Variants in APOBEC1 observed in about 807,000 individuals in gnomAD.
The protein encoded by APOBEC1 is apolipoprotein B mRNA editing enzyme catalytic subunit 1, also known as C->U-editing enzyme APOBEC-1.
In APOBEC1, 22 loss-of-function variants were observed where a neutral mutation model predicts 26.3. The ratio of observed to expected loss-of-function variants is 0.84; its 90% CI spans 0.60 to 1.19. The LOEUF is 1.19. Ranked by LOEUF, APOBEC1 falls within the 50% of genes most tolerant of loss-of-function variation. APOBEC1 has a pLI of 0.00. For missense variants in APOBEC1, 253 were observed against 289.0 expected (o/e 0.88, Z 0.90); for synonymous variants, 77 against 95.3 (o/e 0.81, Z 1.12).
At chr12:7,668,484 C>A (rs1274948061), upstream of APOBEC1, among the ~76,000 whole-genome samples, 1 of 152,066 alleles carries the variant, frequency 6.6e-6, no homozygotes, top group East Asian at 1.9e-4. Context: ...TACTAGAATG[C>A]CTATTGAGCG....
chr12:7,650,797 C>T (rs1396966680), intron 4 of APOBEC1, among the ~76,000 whole-genome samples: 1 of 152,228 alleles, frequency 6.6e-6, no homozygotes, highest in African/African-American at 2.4e-5. Context: ...GATCATAGCT[C>T]ACTGCAGCTT....
At chr12:7,650,014 G>T (rs117076191) in intron 4 of APOBEC1, among the ~76,000 whole-genome samples, 262 of 151,936 alleles carry the variant, frequency 1.7e-3, no homozygotes, top group Non-Finnish European at 3.1e-3. Flanking sequence ...ATGTGGTTTC[G>T]CCATGTTGCC....
At chr12:7,652,920 AT>A (rs1863665571) in intron 2 of APOBEC1, 85 bp from the exon 3 acceptor site, 2 of 818,756 alleles carry the variant, frequency 2.4e-6, no homozygotes, top group Non-Finnish European at 3.1e-6. Context: ...TTCTTTTTTT[AT>A]TTTATTTTAT....
At chr12:7,661,037 C>CA (rs764452957) in intron 1 of APOBEC1, among the ~76,000 whole-genome samples, 21,826 of 91,002 alleles carry the variant, frequency 0.24, 2,041 homozygotes, top group Middle Eastern at 0.33. Context: ...ACTAAAAATA[C>CA]AAAAAAAAAA....
At chr12:7,651,975 C>T (rs1346558248) in intron 3 of APOBEC1, among the ~76,000 whole-genome samples, 2 of 152,062 alleles carry the variant, frequency 1.3e-5, no homozygotes, top group Admixed American at 6.5e-5. Flanking sequence ...CGCCCGCCAC[C>T]ACGCCTGGCT....
At chr12:7,661,541 G>C (rs1280995022) in intron 1 of APOBEC1, among the ~76,000 whole-genome samples, 1 of 151,834 alleles carries the variant, frequency 6.6e-6, no homozygotes, top group Non-Finnish European at 1.5e-5. Context: ...CTTTATAATT[G>C]TAATTATACA....
chr12:7,665,806 C>CACACACACACACACACACA, intron 1 of APOBEC1, 51 bp downstream of exon 1: 1 of 1,224,988 alleles, frequency 8.2e-7, no homozygotes, highest in Non-Finnish European at 1.2e-6. Flanking sequence ...CACACACACA[C>CACACACACACACACACACA]CATTCTTGCA....
At chr12:7,656,171 A>G (rs776991247) in intron 1 of APOBEC1, among the ~76,000 whole-genome samples, 1 of 152,096 alleles carries the variant, frequency 6.6e-6, no homozygotes, top group Non-Finnish European at 1.5e-5. Flanking sequence ...AAATAAGGAA[A>G]TAAATGGAAG....
At chr12:7,668,947 G>A (rs745896947), upstream of APOBEC1, among the ~76,000 whole-genome samples, 1 of 149,916 alleles carries the variant, frequency 6.7e-6, no homozygotes, top group South Asian at 2.1e-4. Context: ...GGCCAGGCTG[G>A]TCTCGAACTC....
chr12:7,669,411 G>A (rs1863929365), upstream of APOBEC1, among the ~76,000 whole-genome samples: 3 of 151,886 alleles, frequency 2.0e-5, no homozygotes, highest in Admixed American at 2.0e-4. Flanking sequence ...ATGTACTTTG[G>A]GTTATTTCCA....
intron 1 of APOBEC1, among the ~76,000 whole-genome samples, chr12:7,660,394 A>AGGAAGGAC (rs1565442453): frequency 1.2e-4 from 12 of 97,130 alleles, no homozygotes; most frequent in Non-Finnish European, 2.1e-4. Context: ...GAAAGAAAGA[A>AGGAAGGAC]AGAAAGAAAG....
At chr12:7,660,367 G>GAAA (rs1565442341) in intron 1 of APOBEC1, among the ~76,000 whole-genome samples, 3 of 16,808 alleles carry the variant, frequency 1.8e-4, no homozygotes, top group Non-Finnish European at 4.0e-4. Context: ...AAGGAAGGAA[G>GAAA]GAAGGAAGGA....
chr12:7,651,870 G>T (rs1201169600), intron 3 of APOBEC1, among the ~76,000 whole-genome samples: 1 of 151,626 alleles, frequency 6.6e-6, no homozygotes, highest in Non-Finnish European at 1.5e-5. Context: ...GCCCAGGCTG[G>T]AGTGCAGTGG....
chr12:7,654,474 C>T (rs961802939), intron 2 of APOBEC1, 131 bp downstream of exon 2: 12 of 861,792 alleles, frequency 1.4e-5, no homozygotes, highest in Middle Eastern at 3.1e-4. Flanking sequence ...TGGGCTCAAG[C>T]GATCCTCCTA....
chr12:7,668,923 G>A (rs772062728), upstream of APOBEC1, among the ~76,000 whole-genome samples: 94 of 152,126 alleles, frequency 6.2e-4, no homozygotes, highest in Admixed American at 1.3e-3. Flanking sequence ...GTAGAGATGA[G>A]GTTTCACCGT....
At position 7,657,037 on chromosome 12, in the gene APOBEC1, T is replaced by C. The variant is rs778068140; in HGVS notation, c.17-2405A>G. Among the ~76,000 whole-genome samples, 11 of 141,716 alleles carry C rather than the reference T, an allele frequency of 7.8e-5. No individual in the cohort carries two copies. The South Asian group carries it at 2.5e-3, about 32-fold the overall frequency. 93.0% of individuals were successfully genotyped at this position (141,716 alleles called of 152,430 possible). ...ACCCACTTGGTGTCCTAGTGTGTTG[T>C]ATATACGTGTGTGTGTGTGTGTGTG... On this transcript the variant is annotated intron_variant, in intron 1 of 4. Coordinates refer to ENST00000229304, the MANE Select transcript of APOBEC1 (RefSeq NM_001644.5).
upstream of APOBEC1, among the ~76,000 whole-genome samples, chr12:7,666,208 A>G (rs978146181): frequency 1.3e-5 from 2 of 152,120 alleles, no homozygotes; most frequent in African/African-American, 4.8e-5. Flanking sequence ...GATTAAGGCA[A>G]GGTGGATCCA....
chr12:7,666,981 G>A (rs1391377900), upstream of APOBEC1, among the ~76,000 whole-genome samples: 2 of 150,572 alleles, frequency 1.3e-5, no homozygotes, highest in Non-Finnish European at 3.0e-5. Context: ...GCGCGATCTC[G>A]GCTCACTGCA....
intron 2 of APOBEC1, among the ~76,000 whole-genome samples, chr12:7,653,908 C>T (rs1028473499): frequency 6.6e-5 from 10 of 152,162 alleles, no homozygotes; most frequent in Admixed American, 5.9e-4. Context: ...AAGGGAAACT[C>T]AGAATTGAAC....
Sources: allele counts gnomAD v4.1 joint callset (sites outside exome capture counted in the v4.1 genomes callset), GRCh38; gene constraint gnomAD v4.1.1; transcripts MANE v1.5; gene names NCBI Gene and HGNC (gene_info 2026-07-23, HGNC 2026-07-21).